LEPR: variants seen among roughly 807,000 people sequenced by gnomAD.
LEPR encodes the protein OB receptor.
In LEPR, 56 loss-of-function variants were observed where a neutral mutation model predicts 114.7. The ratio of observed to expected loss-of-function variants is 0.49; its 90% CI spans 0.39 to 0.61. The LOEUF is 0.61. LEPR is among the 20% of genes least tolerant of loss of function. The pLI is 0.00. For synonymous variants in LEPR, 443 were observed against 461.4 expected (o/e 0.96, Z 0.51); for missense variants, 1,202 against 1,352.9 (o/e 0.89, Z 1.75).
rs141385694 is a variant in LEPR, at chr1:65,472,828, G to A, written c.-21+47450G>A. 9.2e-5 allele frequency among the ~76,000 whole-genome samples: 14 copies of A among 152,246 alleles called. 1 individual carries two copies. The East Asian group carries it at 2.7e-3, about 29-fold the overall frequency. On this transcript the variant is annotated intron_variant, in intron 2 of 19. Coordinates refer to ENST00000349533, the MANE Select transcript of LEPR (RefSeq NM_002303.6). ...ATGGATAAGATGAGGATGTCCCACT[G>A]CTGGTTGGTTAGTACATTTTTGTAG...
At chr1:65,550,315 C>T (rs1336338835) in intron 2 of LEPR, among the ~76,000 whole-genome samples, 11 of 152,172 alleles carry the variant, frequency 7.2e-5, no homozygotes, top group Non-Finnish European at 1.2e-4. Context: ...TCTCCAGCTG[C>T]GTGCTGGGAG....
At chr1:65,548,626 G>C (rs1285784046) in intron 2 of LEPR, among the ~76,000 whole-genome samples, 3 of 152,116 alleles carry the variant, frequency 2.0e-5, no homozygotes, top group Non-Finnish European at 4.4e-5. Context: ...GACTAGGATT[G>C]CAACCCCGGT....
chr1:65,620,020 C>T lies in LEPR; in HGVS notation c.2488C>T (p.Gln830Ter). The change falls in exon 17 of 20, where the codon CAA (glutamine) becomes TAA (stop). Residue 830 changes from glutamine (Q) to a stop codon, truncating the protein, a stop_gained. Coordinates refer to ENST00000349533, the MANE Select transcript of LEPR (RefSeq NM_002303.6). LOFTEE classifies it high-confidence loss of function. Reference sequence around the variant, plus strand: ...ACCAAAGATAATTAATAGTTTCACTCAAGGTAAAAATTATAATTTTAGTTT... The same window carrying T: ...ACCAAAGATAATTAATAGTTTCACTTAAGGTAAAAATTATAATTTTAGTTT... ...GKPKIINSFT[Q>*]DDIEKHQSDA... The T allele has an allele frequency of 6.2e-7, 1 of 1,606,590 alleles. No homozygotes were observed. The highest frequency in any genetic ancestry group is 8.5e-7 in the Non-Finnish European group (1 of 1,173,944).
chr1:65,424,902 C>T lies in LEPR; in HGVS notation c.-96-401C>T, dbSNP rs146089803. On this transcript the variant is annotated intron_variant, in intron 1 of 19. Transcript: ENST00000349533. ...AGGTCCACCTCCTGATAGCATCTCA[C>T]GGTGAGAGGGATGGAGCCGGGAAGG... 3.4e-3 allele frequency among the ~76,000 whole-genome samples: 512 copies of T among 152,244 alleles called. 7 individuals carry two copies. The highest frequency in any genetic ancestry group is 7.5e-3 in the South Asian group (36 of 4,814).
intron 2 of LEPR, among the ~76,000 whole-genome samples, chr1:65,497,582 C>T (rs1275201125): frequency 6.6e-6 from 1 of 152,004 alleles, no homozygotes; most frequent in East Asian, 1.9e-4. Context: ...ATCCCTTTGC[C>T]CTAATCGTAG....
intron 8 of LEPR, 69 bp downstream of exon 8, chr1:65,598,873 A>G: frequency 3.7e-6 from 6 of 1,606,102 alleles, no homozygotes; most frequent in Non-Finnish European, 4.3e-6. Flanking sequence ...TGTATAGTAT[A>G]AGCATCTTAC....
intron 14 of LEPR, among the ~76,000 whole-genome samples, chr1:65,611,412 C>A (rs1657161149): frequency 6.6e-6 from 1 of 152,144 alleles, no homozygotes; most frequent in Admixed American, 6.5e-5. Context: ...GAGTCTTGCC[C>A]GACAGATTAT....
At chr1:65,613,284 G>T (rs946610165) in intron 14 of LEPR, among the ~76,000 whole-genome samples, 1 of 152,018 alleles carries the variant, frequency 6.6e-6, no homozygotes, top group Non-Finnish European at 1.5e-5. Context: ...TCATTGTGGG[G>T]TTTTTTATTT....
At chr1:65,625,199 A>G (rs1055769017) in intron 19 of LEPR, among the ~76,000 whole-genome samples, 8 of 152,294 alleles carry the variant, frequency 5.3e-5, no homozygotes, top group African/African-American at 1.9e-4. Context: ...GGCTGTTGCT[A>G]GGGTCTGGGA....
At chr1:65,470,130 T>G (rs1205978994) in intron 2 of LEPR, among the ~76,000 whole-genome samples, 1 of 152,200 alleles carries the variant, frequency 6.6e-6, no homozygotes, top group Non-Finnish European at 1.5e-5. Context: ...ACTCTCAAAT[T>G]CCACTGGGCC....
At chr1:65,482,396 A>G (rs1443476662) in intron 2 of LEPR, among the ~76,000 whole-genome samples, 1 of 152,238 alleles carries the variant, frequency 6.6e-6, no homozygotes, top group African/African-American at 2.4e-5. Context: ...TAAAATTTAT[A>G]TAGATGACTT....
Position 65,633,261 on chromosome 1 carries a change from G to T in LEPR, c.2674-2930G>T. 1 of 1,556,260 alleles carries T rather than the reference G, an allele frequency of 6.4e-7. No individual in the cohort carries two copies. On this transcript the variant is annotated intron_variant, in intron 19 of 19. Transcript: ENST00000349533. The surrounding 1 kb of genome is among the most constrained non-coding windows in gnomAD (Gnocchi z 4.1). ...AAGATTTTTACATTTTGAAGAAGGG[G>T]AGCAAATCTAAAAAAAATTCAGTTG...
intron 14 of LEPR, among the ~76,000 whole-genome samples, chr1:65,612,401 A>G (rs1465504117): frequency 6.6e-6 from 1 of 152,220 alleles, no homozygotes; most frequent in African/African-American, 2.4e-5. Context: ...TTCAAATCCA[A>G]ATTTCCTTAG....
intron 2 of LEPR, among the ~76,000 whole-genome samples, chr1:65,519,151 C>T (rs202039721): frequency 2.2e-5 from 3 of 135,084 alleles, no homozygotes; most frequent in East Asian, 2.6e-4. Flanking sequence ...TTCCTTCCTT[C>T]CTTTCCTTCC....
intron 15 of LEPR, among the ~76,000 whole-genome samples, chr1:65,617,317 C>T (rs975694798): frequency 1.3e-5 from 2 of 152,074 alleles, no homozygotes; most frequent in African/African-American, 4.8e-5. Context: ...TCAGAGAAGC[C>T]ACCTTGAGGA....
At chr1:65,607,689 C>A (rs1340899199) in intron 11 of LEPR, among the ~76,000 whole-genome samples, 1 of 152,158 alleles carries the variant, frequency 6.6e-6, no homozygotes, top group East Asian at 1.9e-4. Flanking sequence ...CACTGTTATG[C>A]TTGGGCTTTC....
intron 5 of LEPR, among the ~76,000 whole-genome samples, chr1:65,586,425 G>T (rs956396981): frequency 1.3e-5 from 2 of 151,986 alleles, no homozygotes; most frequent in Non-Finnish European, 2.9e-5. Context: ...GCTTATACCT[G>T]GGGAGGGAGA....
In LEPR at chr1:65,601,550, A is replaced by G. The variant is rs780579928; in HGVS notation, c.1153A>G (p.Ser385Gly). Residue 385 changes from serine (S) to glycine (G), a missense_variant, in exon 9 of 20, where the codon AGT becomes GGT. Physicochemically the swap from Ser to Gly is moderately conservative, Grantham distance 56. Transcript: ENST00000349533. ...KIPQSQYDVV[S>G]DHVSKVTFFN... ...TCCTCAAAGCCAGTATGATGTTGTGAGTGATCATGTTAGCAAAGTTACTTT... is the reference window on the plus strand; with the variant it reads ...TCCTCAAAGCCAGTATGATGTTGTGGGTGATCATGTTAGCAAAGTTACTTT... The G allele has an allele frequency of 4.3e-6, 7 of 1,613,702 alleles. No homozygotes were observed. In the African/African-American group the frequency reaches 9.3e-5, roughly 22 times the overall value.
chr1:65,580,276 C>T (rs888972292), intron 5 of LEPR, among the ~76,000 whole-genome samples: 1 of 152,062 alleles, frequency 6.6e-6, no homozygotes, highest in African/African-American at 2.4e-5. Flanking sequence ...AAGAGCTGGT[C>T]AATATAACCA....
Sources: gnomAD v4.1 joint callset for allele counts (sites outside exome capture counted in the v4.1 genomes callset) on GRCh38, gnomAD v4.1.1 for gene constraint, Gnocchi (gnomAD v3.1) non-coding constraint, MANE v1.5 for transcripts, NCBI Gene and HGNC (gene_info 2026-07-23, HGNC 2026-07-21) for gene names.